FBXW7: variants seen among roughly 807,000 people sequenced by gnomAD.
FBXW7 encodes F-box and WD repeat domain containing 7, also known as F-box/WD repeat-containing protein 7.
Under a neutral mutation model 86.3 loss-of-function variants are expected in FBXW7, and 11 were observed. The ratio of observed to expected loss-of-function variants is 0.13; its 90% CI spans 0.08 to 0.21. The LOEUF is 0.21. Ranked by LOEUF, FBXW7 falls within the 10% of genes least tolerant of loss-of-function variation. FBXW7 has a pLI of 1.00. For missense variants in FBXW7, 488 were observed against 847.4 expected (o/e 0.58, Z 5.27); for synonymous variants, 313 against 297.9 (o/e 1.05, Z -0.52).
At chr4:152,410,405 T>C (rs1737837532) in intron 4 of FBXW7, among the ~76,000 whole-genome samples, 1 of 152,160 alleles carries the variant, frequency 6.6e-6, no homozygotes, top group Non-Finnish European at 1.5e-5. Context: ...TTCAACATCT[T>C]GAGACAGGGA....
intron 2 of FBXW7, among the ~76,000 whole-genome samples, chr4:152,422,780 C>A (rs1392619166): frequency 6.6e-6 from 1 of 152,184 alleles, no homozygotes; most frequent in Non-Finnish European, 1.5e-5. Context: ...AAGTAACTCA[C>A]TTCTTTTAAA....
At chr4:152,434,301 T>G (rs1740181943) in intron 2 of FBXW7, among the ~76,000 whole-genome samples, 1 of 152,232 alleles carries the variant, frequency 6.6e-6, no homozygotes, top group South Asian at 2.1e-4. Context: ...AGCTCAGTAC[T>G]ATAATGCAAA....
chr4:152,332,136 G>C (rs1729620124), intron 8 of FBXW7, among the ~76,000 whole-genome samples: 1 of 151,874 alleles, frequency 6.6e-6, no homozygotes, highest in Admixed American at 6.6e-5. Flanking sequence ...CCAATACACA[G>C]GATAACTACT....
intron 2 of FBXW7, among the ~76,000 whole-genome samples, chr4:152,420,621 GATGTT>G (rs1316793155): frequency 6.6e-6 from 1 of 152,100 alleles, no homozygotes; most frequent in African/African-American, 2.4e-5. Context: ...CTACACAATA[GATGTT>G]ATTATGTTTA....
chr4:152,473,888 A>G (rs904714135), intron 2 of FBXW7, among the ~76,000 whole-genome samples: 4 of 152,324 alleles, frequency 2.6e-5, no homozygotes, highest in Admixed American at 1.3e-4. Context: ...CTCTAGAACA[A>G]AAAAGGAAAA....
intron 4 of FBXW7, among the ~76,000 whole-genome samples, chr4:152,386,970 T>G (rs1467221297): frequency 6.6e-6 from 1 of 152,184 alleles, no homozygotes; most frequent in Non-Finnish European, 1.5e-5. Context: ...TGGATTTCCA[T>G]CTTTTCTTTC....
chr4:152,445,926 A>T (rs1273871708), intron 2 of FBXW7, among the ~76,000 whole-genome samples: 2 of 60,724 alleles, frequency 3.3e-5, no homozygotes, highest in African/African-American at 2.1e-4. Context: ...AAAAAAAAAA[A>T]AAAAAAAAAA....
In FBXW7 at chr4:152,321,465, A is replaced by T; in HGVS notation, c.*1416T>A. 1 of 233,028 alleles carries T rather than the reference A, an allele frequency of 4.3e-6. No homozygotes were observed. Among genetic ancestry groups the T allele is most frequent in the Non-Finnish European group, 8.5e-6 (1 of 117,626 alleles). The allele number at this position is 233,028 out of a possible 1,614,324, so 14.4% of individuals were successfully genotyped here. On this transcript the variant is annotated 3_prime_UTR_variant, in exon 14 of 14. Coordinates refer to ENST00000281708, the MANE Select transcript of FBXW7 (RefSeq NM_001349798.2). ...AAAAAATAAACAGAAGGAGGAAAAAAGATCGCCTAGGATACAGTGTTAAAC... is the reference window on the plus strand; with the variant it reads ...AAAAAATAAACAGAAGGAGGAAAAATGATCGCCTAGGATACAGTGTTAAAC...
At chr4:152,328,596 T>C (rs1009776670) in intron 10 of FBXW7, 2 of 411,396 alleles carry the variant, frequency 4.9e-6, no homozygotes, top group African/African-American at 2.1e-5. Context: ...GCACAAGCAA[T>C]TGTGTATGTA....
chr4:152,329,995 A>G (rs568444395), intron 9 of FBXW7, among the ~76,000 whole-genome samples: 77 of 152,040 alleles, frequency 5.1e-4, no homozygotes, highest in Non-Finnish European at 2.4e-4. Context: ...TACTCAAAAC[A>G]TCAACTATTA....
chr4:152,464,771 C>T (rs942718897), intron 2 of FBXW7, among the ~76,000 whole-genome samples: 3 of 152,082 alleles, frequency 2.0e-5, no homozygotes, highest in Non-Finnish European at 2.9e-5. Flanking sequence ...AAAGTCAAGA[C>T]GTCTATGTAT....
chr4:152,503,619 TAAG>T (rs1197145589), intron 2 of FBXW7, among the ~76,000 whole-genome samples: 1 of 147,730 alleles, frequency 6.8e-6, no homozygotes, highest in Non-Finnish European at 1.5e-5. Context: ...CTTCTAAACT[TAAG>T]AAAAAGTTGT....
intron 6 of FBXW7, among the ~76,000 whole-genome samples, chr4:152,340,413 T>C (rs1730606696): frequency 6.6e-6 from 1 of 151,524 alleles, no homozygotes; most frequent in Non-Finnish European, 1.5e-5. Context: ...CCATCTCTAC[T>C]AAAAATATAA....
chr4:152,503,431 G>A (rs1747131938), intron 2 of FBXW7, among the ~76,000 whole-genome samples: 1 of 151,868 alleles, frequency 6.6e-6, no homozygotes, highest in Non-Finnish European at 1.5e-5. Context: ...CACCACGCCC[G>A]GCTAATTTTT....
chr4:152,387,842 G>GGGATTA (rs1735673634), intron 4 of FBXW7, among the ~76,000 whole-genome samples: 1 of 150,802 alleles, frequency 6.6e-6, no homozygotes, highest in Non-Finnish European at 1.5e-5. Context: ...CTGAGCAGCT[G>GGGATTA]GGATTACAGG....
At chr4:152,396,770 A>T (rs1306999335) in intron 4 of FBXW7, among the ~76,000 whole-genome samples, 1 of 152,076 alleles carries the variant, frequency 6.6e-6, no homozygotes, top group Admixed American at 6.6e-5. Context: ...ATCTGCCAAT[A>T]AATGTGGTTT....
chr4:152,412,976 A>G (rs1560866539), intron 2 of FBXW7, among the ~76,000 whole-genome samples: 1 of 152,076 alleles, frequency 6.6e-6, no homozygotes, highest in Non-Finnish European at 1.5e-5. Context: ...CATGATATTC[A>G]TTCTTACATT....
At chr4:152,421,658 A>C (rs910481058) in intron 2 of FBXW7, among the ~76,000 whole-genome samples, 97 of 152,192 alleles carry the variant, frequency 6.4e-4, no homozygotes, top group African/African-American at 2.2e-3. Flanking sequence ...CTTCTTCACT[A>C]ATCATTTCTA....
rs756345085 is a variant in FBXW7 at position 152,329,747 on chromosome 4, T to C, written c.1161A>G (p.Leu387=). 2.9e-5 allele frequency: 46 copies of C among 1,591,190 alleles called. No homozygotes were observed. The highest frequency in any genetic ancestry group is 1.8e-4 in the Admixed American group (10 of 55,870). ...KGHDDHVITC[L]QFCGNRIVSG... Reference sequence around the variant, plus strand: ...TAACTATTCGGTTACCACAAAACTGTAAGCATGTGATCACATGATCATCAT... The same window carrying C: ...TAACTATTCGGTTACCACAAAACTGCAAGCATGTGATCACATGATCATCAT... The change falls in exon 10 of 14, where the codon TTA becomes TTG. Residue 387 remains leucine (L), a synonymous_variant. Coordinates refer to ENST00000281708, the MANE Select transcript of FBXW7 (RefSeq NM_001349798.2).
Sources: gnomAD v4.1 joint callset for allele counts (sites outside exome capture counted in the v4.1 genomes callset) on GRCh38, gnomAD v4.1.1 for gene constraint, MANE v1.5 for transcripts, NCBI Gene and HGNC (gene_info 2026-07-23, HGNC 2026-07-21) for gene names.